Variants in ZNF726 observed in about 807,000 individuals in gnomAD.
The protein encoded by ZNF726 is zinc finger protein 92 pseudogene 3.
ZNF726 carries 15 observed loss-of-function variants against 11.6 expected under a neutral mutation model. The ratio of observed to expected loss-of-function variants is 1.29; its 90% CI spans 0.86 to 1.99. The LOEUF is 1.99. Ranked by LOEUF, ZNF726 falls within the 30% of genes most tolerant of loss-of-function variation. ZNF726 has a pLI of 0.00. For synonymous variants in ZNF726, 295 were observed against 243.6 expected, an observed-to-expected ratio of 1.21 and a Z score of -1.96; for missense variants, 890 against 725.6, an observed-to-expected ratio of 1.23 and a Z score of -2.60.
intron 1 of ZNF726, among the ~76,000 whole-genome samples, chr19:23,918,804 A>G (rs1967768052): frequency 7.0e-6 from 1 of 142,318 alleles, no homozygotes; most frequent in South Asian, 2.2e-4. Context: ...CAGGCCAGAA[A>G]AACTGAAAAA....
At position 23,932,584 on chromosome 19, in the gene ZNF726, A is replaced by G; in HGVS notation, c.468A>G (p.Lys156=). ...QCGKYLKVFY[K]FINLNRYKIR... ...GTAAATATTTGAAAGTCTTTTATAA[A>G]TTTATAAATTTAAACAGATATAAGA... Residue 156 remains lysine, a synonymous_variant, in exon 4 of 4, where the codon AAA becomes AAG. Transcript: ENST00000594466. 1 of 1,548,804 alleles carries G rather than the reference A, an allele frequency of 6.5e-7. No homozygotes were observed. The highest frequency in any genetic ancestry group is 8.7e-7 in the Non-Finnish European group (1 of 1,149,164).
chr19:23,926,816 G>A (rs1223464081), intron 3 of ZNF726, among the ~76,000 whole-genome samples: 1 of 151,902 alleles, frequency 6.6e-6, no homozygotes, highest in Admixed American at 6.6e-5. Flanking sequence ...ATCTGTCTTT[G>A]TGTCAGTACC....
rs1380893740 is a variant in ZNF726 at position 23,933,778 on chromosome 19, A to G, written c.1662A>G (p.Thr554=). 2 of 1,609,370 alleles carry G rather than the reference A, an allele frequency of 1.2e-6. No individual in the cohort carries two copies. Among genetic ancestry groups the G allele is most frequent in the Non-Finnish European group, 1.7e-6 (2 of 1,178,630 alleles). The change falls in exon 4 of 4, where the codon ACA becomes ACG. Residue 554 remains threonine (T), a synonymous_variant. Coordinates refer to ENST00000594466, the MANE Select transcript of ZNF726 (RefSeq NM_001244038.2). The part of the protein sequence containing the change: ...KTFNQSSNLS[T]HKIIHTGEKP... Reference sequence around the variant, plus strand: ...TTAATCAATCCTCAAATCTTAGTACACATAAGATAATTCATACTGGAGAGA... The same window carrying G: ...TTAATCAATCCTCAAATCTTAGTACGCATAAGATAATTCATACTGGAGAGA...
At chr19:23,928,473 C>T (rs1408801632) in intron 3 of ZNF726, 4 of 151,772 alleles carry the variant, frequency 2.6e-5, no homozygotes, top group Non-Finnish European at 5.9e-5. Context: ...ATTTTGGAGC[C>T]CTGATATTGT....
At chr19:23,916,075 A>C (rs1967691039) in intron 1 of ZNF726, among the ~76,000 whole-genome samples, 1 of 152,026 alleles carries the variant, frequency 6.6e-6, no homozygotes, top group South Asian at 2.1e-4. Flanking sequence ...CCTCAATCTA[A>C]TTTCCTGCCA....
intron 4 of ZNF726, chr19:23,944,628 GTTGA>G (rs1478232718): frequency 5.6e-6 from 1 of 180,178 alleles, no homozygotes; most frequent in Non-Finnish European, 1.1e-5. Flanking sequence ...TATTTACCCT[GTTGA>G]TTATTTTTTT....
At chr19:23,916,569 C>T (rs893910701) in intron 1 of ZNF726, among the ~76,000 whole-genome samples, 15 of 152,212 alleles carry the variant, frequency 9.9e-5, no homozygotes, top group Non-Finnish European at 2.1e-4. Context: ...GGTTTCAAGT[C>T]ATCCTCCTGC....
downstream of ZNF726, among the ~76,000 whole-genome samples, chr19:23,937,131 G>A (rs1394756936): frequency 3.4e-5 from 5 of 146,326 alleles, no homozygotes; most frequent in African/African-American, 7.5e-5. Context: ...CTGGCCGGGC[G>A]GGGGGGCTGA....
intron 3 of ZNF726, among the ~76,000 whole-genome samples, chr19:23,921,810 AAC>A (rs1299320969): frequency 6.6e-6 from 1 of 152,204 alleles, no homozygotes; most frequent in African/African-American, 2.4e-5. Flanking sequence ...ATAATCTACA[AAC>A]AGTGACGTTT....
In ZNF726 at chr19:23,943,686, A is replaced by G. The variant is rs73023227; in HGVS notation, c.322+97A>G. 3,402 of 433,668 alleles carry G rather than the reference A, an allele frequency of 7.8e-3. 13 individuals are homozygous for G. The highest frequency in any genetic ancestry group is 0.011 in the Non-Finnish European group (2,613 of 240,878). The allele number at this position is 433,668 out of a possible 1,614,324, so 26.9% of individuals were successfully genotyped here. A position where few individuals can be genotyped will look rare whatever the true frequency, so the allele number is the denominator to read the frequency against. On this transcript the variant is annotated intron_variant, in intron 4 of 4. Transcript: ENST00000334589. ...AATGTGATATGGGATGCTCTGCTTC[A>G]GTGGAAAGATTTCCTAAAAAGCCTT... is the stretch of plus-strand genomic sequence containing the variant.
At position 23,933,091 on chromosome 19, in the gene ZNF726, C is replaced by T. The variant is rs1316386868; in HGVS notation, c.975C>T (p.Ser325=). The T allele has an allele frequency of 2.5e-6, 4 of 1,612,100 alleles. No individual in the cohort carries two copies. Among genetic ancestry groups the T allele is most frequent in the Admixed American group, 1.7e-5 (1 of 59,902 alleles). ...AATGTGGCAAAGCATTTGTTTGGTCCTCAACCCTAACTAGACATAAGAGGC... is the reference window on the plus strand; with the variant it reads ...AATGTGGCAAAGCATTTGTTTGGTCTTCAACCCTAACTAGACATAAGAGGC... The part of the protein sequence containing the change: ...CEECGKAFVW[S]STLTRHKRLH... The change falls in exon 4 of 4, where the codon TCC becomes TCT. Residue 325 remains serine (S), a synonymous_variant. Coordinates refer to ENST00000594466, the MANE Select transcript of ZNF726 (RefSeq NM_001244038.2).
At chr19:23,942,840 G>A (rs954689423) in intron 3 of ZNF726, among the ~76,000 whole-genome samples, 2 of 152,062 alleles carry the variant, frequency 1.3e-5, no homozygotes, top group African/African-American at 4.8e-5. Context: ...CCACTTTTGA[G>A]TCCTTATGTT....
At position 23,920,811 on chromosome 19, in the gene ZNF726, CT is replaced by C. The variant is rs112929346; in HGVS notation, c.226+741del. The C allele has an allele frequency of 7.6e-3, 1,073 of 140,566 alleles. 14 individuals carry two copies. Among genetic ancestry groups the C allele is most frequent in the African/African-American group, 0.022 (846 of 38,562 alleles). 8.7% of individuals were successfully genotyped at this position (140,566 alleles called of 1,614,324 possible). On this transcript the variant is annotated intron_variant, in intron 3 of 3. Transcript: ENST00000594466. The stretch of plus-strand genomic sequence containing the variant: ...TTCATCCTGTTTTTTTTCTTGCTTT[CT>C]TTTTTTTTTTTGTTTATTTAATATG...
chr19:23,915,104 C>A, intron 1 of ZNF726, 107 bp downstream of exon 1: 1 of 1,552,614 alleles, frequency 6.4e-7, no homozygotes, highest in Non-Finnish European at 8.9e-7. Context: ...GTTTTACAAT[C>A]TGCGCCCGAG....
Position 23,934,312 on chromosome 19 carries a change from G to T in ZNF726, c.*345G>T. 1.7e-6 allele frequency: 1 copy of T among 583,192 alleles called. No homozygotes were observed. 36.1% of individuals were successfully genotyped at this position (583,192 alleles called of 1,614,324 possible). Reference sequence around the variant, plus strand: ...CTGGAGAGAAACCTTACAAATGTGAGGAATGTGGCAAAGCCTTTAAATGTT... The same window carrying T: ...CTGGAGAGAAACCTTACAAATGTGATGAATGTGGCAAAGCCTTTAAATGTT... On this transcript the variant is annotated 3_prime_UTR_variant, in exon 4 of 4. Coordinates refer to ENST00000594466, the MANE Select transcript of ZNF726 (RefSeq NM_001244038.2).
At position 23,939,858 on chromosome 19, in the gene ZNF726, T is replaced by G. The variant is rs570631752; in HGVS notation, c.227-3636T>G. Reference sequence around the variant, plus strand: ...TTCATGTCTTTGGCCCACTTTTTGATGGGATTTTTTTTTTTTTTTTTTTTC... The same window carrying G: ...TTCATGTCTTTGGCCCACTTTTTGAGGGGATTTTTTTTTTTTTTTTTTTTC... On this transcript the variant is annotated intron_variant, in intron 3 of 4. Transcript: ENST00000334589. 4.8e-5 allele frequency among the ~76,000 whole-genome samples: 7 copies of G among 146,920 alleles called. No individual in the cohort carries two copies. In the East Asian group the frequency reaches 7.9e-4, roughly 17 times the overall value.
chr19:23,943,826 C>T (rs1211134464), intron 4 of ZNF726: 1 of 340,320 alleles, frequency 2.9e-6, no homozygotes, highest in Non-Finnish European at 5.3e-6. Flanking sequence ...GAGAACTAAA[C>T]TCCTCTTTAT....
At chr19:23,944,602 T>G (rs1008216077) in intron 4 of ZNF726, 2 of 160,708 alleles carry the variant, frequency 1.2e-5, no homozygotes, top group African/African-American at 2.4e-5. Flanking sequence ...TATGTTCATT[T>G]ATTCTGTAGG....
At chr19:23,924,206 G>A (rs914380195) in intron 3 of ZNF726, among the ~76,000 whole-genome samples, 3 of 147,874 alleles carry the variant, frequency 2.0e-5, no homozygotes, top group Non-Finnish European at 4.5e-5. Context: ...ACCACACCTG[G>A]CTAATTTTGT....
Sources: allele counts gnomAD v4.1 joint callset (sites outside exome capture counted in the v4.1 genomes callset), GRCh38; gene constraint gnomAD v4.1.1; transcripts MANE v1.5; gene names NCBI Gene and HGNC (gene_info 2026-07-23, HGNC 2026-07-21).